MAP3K20: variants seen among roughly 807,000 people sequenced by gnomAD.
The protein encoded by MAP3K20 is mitogen-activated protein kinase kinase kinase 20.
In MAP3K20, 40 loss-of-function variants were observed where a neutral mutation model predicts 85.7. The observed-to-expected ratio is 0.47, with a 90% CI of 0.36 to 0.61. The LOEUF (loss-of-function observed/expected upper bound fraction) is 0.61, where lower values mean the gene tolerates loss of function less well. Ranked by LOEUF, MAP3K20 falls within the 20% of genes least tolerant of loss-of-function variation. The pLI, the probability that MAP3K20 is intolerant of heterozygous loss-of-function variation, is 0.00. For missense variants in MAP3K20, 817 were observed against 961.7 expected (o/e 0.85, Z 1.99); for synonymous variants, 325 against 327.7 (o/e 0.99, Z 0.09).
At position 173,232,302 on chromosome 2, in the gene MAP3K20, T is replaced by C. The variant is rs368015219; in HGVS notation, c.1064-18T>C. 3.1e-6 allele frequency: 5 copies of C among 1,614,214 alleles called. No individual in the cohort carries two copies. The highest frequency in any genetic ancestry group is 4.2e-6 in the Non-Finnish European group (5 of 1,180,032). On this transcript the variant is annotated intron_variant, in intron 13 of 19. Coordinates refer to ENST00000375213, the MANE Select transcript of MAP3K20 (RefSeq NM_016653.3). Reference sequence around the variant, plus strand: ...GATTTCATCTAATTTTATTCTGCTTTCTAATCACTTCCTTCAGGTGACTCT... The same window carrying C: ...GATTTCATCTAATTTTATTCTGCTTCCTAATCACTTCCTTCAGGTGACTCT...
At position 173,219,958 on chromosome 2, in the gene MAP3K20, T is replaced by C. The variant is rs919180821; in HGVS notation, c.987+2708T>C. Among the ~76,000 whole-genome samples the C allele has an allele frequency of 9.9e-5, 15 of 151,020 alleles. No individual in the cohort carries two copies. In the East Asian group the frequency reaches 1.8e-3, roughly 18 times the overall value. ...TGGCGGGCGCCTGTAATCCCAGCTA[T>C]TTGGGAGGCTGAGGCAGGAGAATCG... On this transcript the variant is annotated intron_variant, in intron 11 of 19. Transcript: ENST00000375213.
intron 2 of MAP3K20, among the ~76,000 whole-genome samples, chr2:173,150,678 G>A (rs1163179994): frequency 6.6e-6 from 1 of 152,096 alleles, no homozygotes; most frequent in Non-Finnish European, 1.5e-5. Context: ...CAATTCTCCT[G>A]CTTCAGCCTC....
At chr2:173,167,379 A>G (rs1007780891) in intron 2 of MAP3K20, among the ~76,000 whole-genome samples, 6 of 152,270 alleles carry the variant, frequency 3.9e-5, no homozygotes, top group Middle Eastern at 6.8e-3. Context: ...TGCTGACATC[A>G]TGATGTCATT....
intron 2 of MAP3K20, among the ~76,000 whole-genome samples, chr2:173,134,868 A>G (rs1301599827): frequency 6.6e-6 from 1 of 152,142 alleles, no homozygotes; most frequent in Non-Finnish European, 1.5e-5. Flanking sequence ...TTCAGAACAG[A>G]GGAAGTGGTT....
At chr2:173,165,862 G>A (rs1689804678) in intron 2 of MAP3K20, among the ~76,000 whole-genome samples, 1 of 152,074 alleles carries the variant, frequency 6.6e-6, no homozygotes, top group Non-Finnish European at 1.5e-5. Flanking sequence ...GTAGAGACAA[G>A]GTCTCACTAT....
chr2:173,241,667 C>T (rs1684786588), intron 16 of MAP3K20, among the ~76,000 whole-genome samples: 1 of 152,126 alleles, frequency 6.6e-6, no homozygotes, highest in South Asian at 2.1e-4. Context: ...CTAGTGTATA[C>T]CCAAAAACAT....
chr2:173,191,287 C>A, intron 7 of MAP3K20, 110 bp downstream of exon 7: 1 of 1,429,820 alleles, frequency 7.0e-7, no homozygotes, highest in Non-Finnish European at 9.3e-7. Context: ...GACTGTACTG[C>A]TGGTGGAATG....
chr2:173,256,848 G>A (rs79723736), intron 16 of MAP3K20, among the ~76,000 whole-genome samples: 5,229 of 151,964 alleles, frequency 0.034, 304 homozygotes, highest in African/African-American at 0.12. Context: ...AAATATTTCA[G>A]TGTGCTAGAA....
At chr2:173,076,293 T>G (rs1288285495) in intron 1 of MAP3K20, among the ~76,000 whole-genome samples, 1 of 151,948 alleles carries the variant, frequency 6.6e-6, no homozygotes, top group African/African-American at 2.4e-5. Flanking sequence ...GCCGGTCCCA[T>G]GGAGAAGTTG....
chr2:173,158,896 A>C (rs1574066151), intron 2 of MAP3K20, among the ~76,000 whole-genome samples: 1 of 152,238 alleles, frequency 6.6e-6, no homozygotes, highest in East Asian at 1.9e-4. Flanking sequence ...TCCTAATACA[A>C]CATGGTTAAT....
At chr2:173,245,823 T>G (rs1684899448) in intron 16 of MAP3K20, among the ~76,000 whole-genome samples, 1 of 152,120 alleles carries the variant, frequency 6.6e-6, no homozygotes, top group African/African-American at 2.4e-5. Flanking sequence ...TCCCAGCTAC[T>G]TGGGAGGCTG....
At chr2:173,091,985 T>TAAA (rs1687314595) in intron 2 of MAP3K20, among the ~76,000 whole-genome samples, 1 of 152,252 alleles carries the variant, frequency 6.6e-6, no homozygotes, top group African/African-American at 2.4e-5. Flanking sequence ...TTACGCCCTG[T>TAAA]TTTGGCAAAT....
intron 19 of MAP3K20, among the ~76,000 whole-genome samples, chr2:173,265,770 T>C (rs1685404827): frequency 6.6e-6 from 1 of 152,194 alleles, no homozygotes; most frequent in Non-Finnish European, 1.5e-5. Flanking sequence ...AAACTATTAG[T>C]GTTTACCTAA....
chr2:173,217,606 C>A (rs1212658669), intron 11 of MAP3K20, among the ~76,000 whole-genome samples: 1 of 152,206 alleles, frequency 6.6e-6, no homozygotes, highest in Non-Finnish European at 1.5e-5. Flanking sequence ...TCCTTCTAGT[C>A]ACTCAGTCAT....
rs143933071 is a variant in MAP3K20 at position 173,251,590 on chromosome 2, C to G, written c.1360-7109C>G. Among the ~76,000 whole-genome samples the G allele has an allele frequency of 9.8e-4, 149 of 152,254 alleles. 1 individual carries two copies. The highest frequency in any genetic ancestry group is 3.4e-3 in the African/African-American group (140 of 41,536). The stretch of plus-strand genomic sequence containing the variant: ...ATTCTAATTTTGTGATATTCCAGAA[C>G]AGTCAAATTTCATCTATGGTGATAG... On this transcript the variant is annotated intron_variant, in intron 16 of 19. Transcript: ENST00000375213.
chr2:173,230,840 AC>A (rs1684506875), intron 12 of MAP3K20, among the ~76,000 whole-genome samples: 1 of 152,152 alleles, frequency 6.6e-6, no homozygotes, highest in African/African-American at 2.4e-5. Flanking sequence ...TACTAAAAAT[AC>A]AAAAATCAGC....
chr2:173,111,498 T>C (rs190919247), intron 2 of MAP3K20, among the ~76,000 whole-genome samples: 5 of 152,332 alleles, frequency 3.3e-5, no homozygotes, highest in African/African-American at 1.2e-4. Flanking sequence ...AATCCTTGCC[T>C]AAGCCAATGT....
chr2:173,238,517 T>C (rs1372891738), intron 15 of MAP3K20, 82 bp downstream of exon 15: 10 of 1,276,792 alleles, frequency 7.8e-6, no homozygotes, highest in South Asian at 6.6e-5. Context: ...AATTTGCCAA[T>C]GTCAGTAATG....
At chr2:173,219,612 T>G (rs149692942) in intron 11 of MAP3K20, among the ~76,000 whole-genome samples, 100 of 152,318 alleles carry the variant, frequency 6.6e-4, no homozygotes, top group African/African-American at 2.3e-3. Flanking sequence ...AACATCCTGT[T>G]TCCAATGTTT....
Sources: allele counts gnomAD v4.1 joint callset (sites outside exome capture counted in the v4.1 genomes callset), GRCh38; gene constraint gnomAD v4.1.1; transcripts MANE v1.5; gene names NCBI Gene and HGNC (gene_info 2026-07-23, HGNC 2026-07-21).